Variants in PCNX1 observed in about 807,000 individuals in gnomAD.
PCNX1 encodes the protein pecanex 1.
In PCNX1, 78 loss-of-function variants were observed where a neutral mutation model predicts 242.2. The ratio of observed to expected loss-of-function variants is 0.32; its 90% CI spans 0.27 to 0.39. The LOEUF is 0.39. Among genes scored for constraint, PCNX1 ranks in the 10% least tolerant of loss-of-function variants. The pLI is 1.00. For missense variants in PCNX1, 2,581 were observed against 2,856.5 expected, an observed-to-expected ratio of 0.90 and a Z score of 2.20; for synonymous variants, 1,024 against 1,032.9, an observed-to-expected ratio of 0.99 and a Z score of 0.17.
At chr14:71,096,019 T>A (rs925486365) in intron 30 of PCNX1, among the ~76,000 whole-genome samples, 9 of 151,904 alleles carry the variant, frequency 5.9e-5, no homozygotes, top group East Asian at 1.9e-4. Flanking sequence ...CTACAAAAAA[T>A]TTTTTAAAAC....
chr14:71,102,273 A>T (rs908857569), intron 31 of PCNX1, 53 bp downstream of exon 31: 2 of 1,437,970 alleles, frequency 1.4e-6, no homozygotes. Context: ...GAATAACTTG[A>T]TCTAAAATTT....
chr14:71,103,075 C>A (rs529921800), intron 31 of PCNX1, among the ~76,000 whole-genome samples: 2 of 152,266 alleles, frequency 1.3e-5, no homozygotes, highest in East Asian at 3.9e-4. Flanking sequence ...ATATTTATCT[C>A]TCATTTCTAT....
chr14:71,109,175 G>A (rs766622073), intron 34 of PCNX1, 129 bp downstream of exon 34: 16 of 945,042 alleles, frequency 1.7e-5, no homozygotes, highest in Non-Finnish European at 2.5e-5. Flanking sequence ...ATTTTTGAAT[G>A]TTGGGGAAAA....
At chr14:71,071,104 T>C (rs922266831) in intron 26 of PCNX1, among the ~76,000 whole-genome samples, 15 of 152,254 alleles carry the variant, frequency 9.9e-5, no homozygotes, top group African/African-American at 3.6e-4. Context: ...CTTCCAACTT[T>C]TCTTCTGCAG....
Position 71,026,260 on chromosome 14 carries a change from G to T in PCNX1, c.3327G>T (p.Val1109=). 1 of 1,606,124 alleles carries T rather than the reference G, an allele frequency of 6.2e-7. No individual in the cohort carries two copies. Among genetic ancestry groups the T allele is most frequent in the Non-Finnish European group, 8.5e-7 (1 of 1,175,880 alleles). Residue 1109 remains valine (V), a synonymous_variant, in exon 14 of 36, where the codon GTG becomes GTT. Transcript: ENST00000304743. The part of the protein sequence containing the change: ...LYGITFTNPL[V]FISARDLVIV... ...GAATAACTTTCACCAATCCACTGGT[G>T]TTTATATCAGCCAGGGATTTAGTTA...
At chr14:70,956,173 A>T (rs1397170295) in intron 2 of PCNX1, among the ~76,000 whole-genome samples, 1 of 152,178 alleles carries the variant, frequency 6.6e-6, no homozygotes, top group Non-Finnish European at 1.5e-5. Context: ...TCCCTGCTCT[A>T]AATAATGGTG....
intron 30 of PCNX1, chr14:71,093,381 G>A (rs951714554): frequency 6.6e-6 from 1 of 151,780 alleles, no homozygotes; most frequent in African/African-American, 2.4e-5. Flanking sequence ...AATTCAAGAG[G>A]TATTAAGCAC....
intron 1 of PCNX1, among the ~76,000 whole-genome samples, chr14:70,919,223 G>A (rs550938710): frequency 1.3e-5 from 2 of 152,230 alleles, no homozygotes; most frequent in East Asian, 1.9e-4. Context: ...ATAAGTATCA[G>A]TAATATTTTG....
intron 2 of PCNX1, among the ~76,000 whole-genome samples, chr14:70,960,841 A>G (rs1257466982): frequency 6.6e-6 from 1 of 152,116 alleles, no homozygotes; most frequent in Non-Finnish European, 1.5e-5. Context: ...ATCAATGTAC[A>G]AAAATCACAA....
At chr14:71,050,823 T>TA in intron 23 of PCNX1, 63 bp downstream of exon 23, 1 of 1,441,146 alleles carries the variant, frequency 6.9e-7, no homozygotes, top group South Asian at 1.2e-5. Flanking sequence ...AATGTTGGTT[T>TA]ATAGGCATGA....
In PCNX1 at chr14:70,981,863, TG is replaced by T. The variant is rs140772423; in HGVS notation, c.2311+3217del. 1.1e-4 allele frequency among the ~76,000 whole-genome samples: 17 copies of T among 152,334 alleles called. 1 individual carries two copies. The East Asian group carries it at 3.3e-3, about 29-fold the overall frequency. ...ATAGCATATTTTCTGTGTCACTTAA[TG>T]GATTACAAAGAATAGCCCGAGTGGA... On this transcript the variant is annotated intron_variant, in intron 6 of 35. Coordinates refer to ENST00000304743, the MANE Select transcript of PCNX1 (RefSeq NM_014982.3).
At chr14:70,920,875 G>A (rs2056348273) in intron 1 of PCNX1, among the ~76,000 whole-genome samples, 1 of 152,262 alleles carries the variant, frequency 6.6e-6, no homozygotes, top group Middle Eastern at 3.4e-3. Context: ...TTCACTGTGT[G>A]CTGGGTGCTG....
chr14:71,057,548 A>G lies in PCNX1; in HGVS notation c.4676A>G (p.His1559Arg). The change falls in exon 26 of 36, where the codon CAT (histidine) becomes CGT (arginine). Residue 1559 changes from histidine (H) to arginine (R), a missense_variant. By Grantham distance (29) the His-to-Arg change is conservative. Coordinates refer to ENST00000304743, the MANE Select transcript of PCNX1 (RefSeq NM_014982.3). ...AATCTGAATTCCATCTTTTATGAGC[A>G]TTTAACTAGATCCCTACAGCACAGC... ...DNNLNSIFYE[H>R]LTRSLQHSLC... 1.2e-6 allele frequency: 2 copies of G among 1,613,692 alleles called. No homozygotes were observed. The highest frequency in any genetic ancestry group is 1.7e-6 in the Non-Finnish European group (2 of 1,179,614).
chr14:71,015,063 A>G (rs985859761), intron 11 of PCNX1, among the ~76,000 whole-genome samples: 3 of 152,206 alleles, frequency 2.0e-5, no homozygotes, highest in Non-Finnish European at 4.4e-5. Context: ...TACTGAAAAG[A>G]AAAAAACCCT....
At chr14:70,949,806 C>G (rs1217037530) in intron 2 of PCNX1, among the ~76,000 whole-genome samples, 1 of 152,108 alleles carries the variant, frequency 6.6e-6, no homozygotes, top group African/African-American at 2.4e-5. Flanking sequence ...AGTTTGTGAC[C>G]TTACAGAAAT....
intron 2 of PCNX1, among the ~76,000 whole-genome samples, chr14:70,953,624 T>C (rs2057874609): frequency 6.6e-6 from 1 of 151,074 alleles, no homozygotes; most frequent in Non-Finnish European, 1.5e-5. Context: ...TTTACCACTT[T>C]TTAGTAATCA....
At chr14:71,049,125 A>G (rs1566746640) in intron 22 of PCNX1, 5 of 878,322 alleles carry the variant, frequency 5.7e-6, no homozygotes, top group Non-Finnish European at 6.8e-6. Context: ...GAAAAAAGTG[A>G]AAGTTGCAGT....
rs768563638 is a variant in PCNX1, at chr14:70,978,025, G to T, written c.1688G>T (p.Arg563Leu). Residue 563 changes from arginine to leucine, a missense_variant, in exon 6 of 36, where the codon CGC (arginine) becomes CTC (leucine). Arg to Leu is a moderately radical substitution (Grantham distance 102). This residue lies in a region of PCNX1 where 1,204 missense variants were observed against 1,216.7 expected (regional missense o/e 0.99). Coordinates refer to ENST00000304743, the MANE Select transcript of PCNX1 (RefSeq NM_014982.3). Reference sequence around the variant, plus strand: ...TCTGCCCACAAGTCAGGCAGGAGACGCACAGGAAAAAAACGGGCTAGCAGT... The same window carrying T: ...TCTGCCCACAAGTCAGGCAGGAGACTCACAGGAAAAAAACGGGCTAGCAGT... ...TASAHKSGRR[R>L]TGKKRASSFD... is the part of the protein sequence containing the mutation. 3 of 1,614,044 alleles carry T rather than the reference G, an allele frequency of 1.9e-6. No homozygotes were observed. Among genetic ancestry groups the T allele is most frequent in the Non-Finnish European group, 2.5e-6 (3 of 1,180,002 alleles).
At chr14:71,051,742 A>AT (rs1339528750) in intron 23 of PCNX1, 141 bp from the exon 24 acceptor site, 26 of 742,676 alleles carry the variant, frequency 3.5e-5, no homozygotes, top group Non-Finnish European at 5.5e-5. Flanking sequence ...CTGCCCAGTG[A>AT]TATACCTTCT....
Sources: allele counts gnomAD v4.1 joint callset (sites outside exome capture counted in the v4.1 genomes callset), GRCh38; gene constraint gnomAD v4.1.1; regional missense constraint gnomAD v4.1.1; transcripts MANE v1.5; gene names NCBI Gene and HGNC (gene_info 2026-07-23, HGNC 2026-07-21).